The following MKRN2OS variants were observed in gnomAD, a reference collection of about 807,000 sequenced individuals.
MKRN2OS encodes the protein MKRN2 opposite strand protein.
Under a neutral mutation model 18.2 loss-of-function variants are expected in MKRN2OS, and 17 were observed. That is an observed-to-expected ratio of 0.93 (90% CI 0.64 to 1.40). The LOEUF is 1.40. MKRN2OS is among the 40% of genes most tolerant of loss of function. The pLI is 0.00. For synonymous variants in MKRN2OS, 121 were observed against 108.5 expected (o/e 1.12, Z -0.72); for missense variants, 337 against 283.0 (o/e 1.19, Z -1.37).
rs1366249606 is a variant in MKRN2OS at position 12,541,891 on chromosome 3, A to G, written c.400T>C (p.Phe134Leu). Residue 134 changes from phenylalanine (F) to leucine (L), a missense_variant, in exon 3 of 4, where the codon TTC (phenylalanine) becomes CTC (leucine). By Grantham distance (22) the Phe-to-Leu change is conservative (BLOSUM62 0). Transcript: ENST00000564146. The part of the protein sequence containing the change: ...MEQWDKYLED[F>L]STSGAWLPHR... ...GGCAGCCAGGCCCCCGAGGTGGAGAAGTCTTCCAGGTACTTGTCCCATTGC... is the reference window on the plus strand; with the variant it reads ...GGCAGCCAGGCCCCCGAGGTGGAGAGGTCTTCCAGGTACTTGTCCCATTGC... 3.9e-6 allele frequency: 6 copies of G among 1,535,986 alleles called. 1 individual carries two copies. In the South Asian group the frequency reaches 4.8e-5, roughly 12 times the overall value.
In MKRN2OS at chr3:12,542,965, G is replaced by A. The variant is rs757538602; in HGVS notation, c.268+215C>T. Among the ~76,000 whole-genome samples, 3 of 152,082 alleles carry A rather than the reference G, an allele frequency of 2.0e-5. No homozygotes were observed. The South Asian group carries it at 6.2e-4, about 32-fold the overall frequency. Reference sequence around the variant, plus strand: ...TTGTGAGGCTCCTCACTGAGAAAACGTTAAAGAGCTTTCAAATATTTTGTA... The same window carrying A: ...TTGTGAGGCTCCTCACTGAGAAAACATTAAAGAGCTTTCAAATATTTTGTA... On this transcript the variant is annotated intron_variant, in intron 2 of 3. Transcript: ENST00000564146.
upstream of MKRN2OS, among the ~76,000 whole-genome samples, chr3:12,548,460 A>C (rs1484324510): frequency 1.2e-4 from 5 of 42,644 alleles, no homozygotes; most frequent in African/African-American, 1.3e-3. Flanking sequence ...AAAAAAAAAA[A>C]AAAAAAAAAA....
At chr3:12,541,789 G>GTGAGCTGCCTCAC in intron 3 of MKRN2OS, 71 bp downstream of exon 3, 1 of 1,448,214 alleles carries the variant, frequency 6.9e-7, no homozygotes, top group Non-Finnish European at 9.2e-7. Context: ...TCTGTGAGCT[G>GTGAGCTGCCTCAC]AGGCTACACG....
downstream of MKRN2OS, among the ~76,000 whole-genome samples, chr3:12,552,703 G>T (rs1218849008): frequency 1.3e-5 from 2 of 151,154 alleles, no homozygotes; most frequent in Non-Finnish European, 2.9e-5. Context: ...GAGCCACCAT[G>T]CCCCACATTT....
chr3:12,549,031 T>G (rs2057909079), upstream of MKRN2OS, among the ~76,000 whole-genome samples: 2 of 152,112 alleles, frequency 1.3e-5, no homozygotes, highest in South Asian at 4.2e-4. Flanking sequence ...ACCTCCCAGG[T>G]TGAAGCGATC....
chr3:12,541,809 C>G, intron 3 of MKRN2OS, 51 bp downstream of exon 3: 1 of 1,512,818 alleles, frequency 6.6e-7, no homozygotes, highest in East Asian at 2.5e-5. Context: ...GGGGATCCCA[C>G]TTGCATAGCA....
chr3:12,560,190 A>G (rs2058024727), intron 1 of MKRN2OS, among the ~76,000 whole-genome samples: 1 of 152,236 alleles, frequency 6.6e-6, no homozygotes, highest in Admixed American at 6.5e-5. Flanking sequence ...ATGTCCCAGT[A>G]GTCTATCATA....
At chr3:12,556,866 GGC>G in intron 1 of MKRN2OS, 1 of 373,594 alleles carries the variant, frequency 2.7e-6, no homozygotes, top group East Asian at 4.0e-5. Flanking sequence ...GGATAAGACT[GGC>G]AGGACTAAGA....
chr3:12,542,156 T>G (rs1434552628), intron 2 of MKRN2OS, 134 bp from the exon 3 acceptor site: 1 of 881,830 alleles, frequency 1.1e-6, no homozygotes. Context: ...TCTAGAATCT[T>G]CCATCCACCT....
chr3:12,557,037 C>T, intron 1 of MKRN2OS: 1 of 1,196,436 alleles, frequency 8.4e-7, no homozygotes, highest in Non-Finnish European at 1.1e-6. Context: ...CGGCGTGCGC[C>T]GGCGTGCGCC....
chr3:12,544,796 A>G (rs941972078), intron 1 of MKRN2OS, among the ~76,000 whole-genome samples: 2 of 152,224 alleles, frequency 1.3e-5, no homozygotes, highest in East Asian at 3.8e-4. Flanking sequence ...TGGTGTCTAC[A>G]GTGGAAATAG....
Position 12,545,472 on chromosome 3 carries a change from G to A in MKRN2OS, c.-8C>T, listed in dbSNP as rs747962588. 9.3e-6 allele frequency: 14 copies of A among 1,501,958 alleles called. No homozygotes were observed. Among genetic ancestry groups the A allele is most frequent in the African/African-American group, 4.2e-5 (3 of 71,848 alleles). 93.0% of individuals were successfully genotyped at this position (1,501,958 alleles called of 1,614,324 possible). A position where few individuals can be genotyped will look rare whatever the true frequency, so the allele number is the denominator to read the frequency against. On this transcript the variant is annotated 5_prime_UTR_variant, in exon 1 of 4. Coordinates refer to ENST00000564146, the MANE Select transcript of MKRN2OS (RefSeq NM_001195279.2). Reference sequence around the variant, plus strand: ...AGCCTCTGCGCAGTGCATAGCTTTCGCCTCCTGGAATGCTAGGGGAGGTTT... The same window carrying A: ...AGCCTCTGCGCAGTGCATAGCTTTCACCTCCTGGAATGCTAGGGGAGGTTT...
chr3:12,544,318 C>T (rs770355915), intron 1 of MKRN2OS, among the ~76,000 whole-genome samples: 1 of 152,164 alleles, frequency 6.6e-6, no homozygotes, highest in Non-Finnish European at 1.5e-5. Flanking sequence ...GACCCATGCT[C>T]ACCTAAAGCC....
At chr3:12,558,343 G>A (rs2058001910) in intron 1 of MKRN2OS, among the ~76,000 whole-genome samples, 1 of 152,136 alleles carries the variant, frequency 6.6e-6, no homozygotes, top group African/African-American at 2.4e-5. Flanking sequence ...TTGTGAAGAC[G>A]GGTTTGTGTG....
intron 1 of MKRN2OS, chr3:12,557,293 G>C: frequency 7.5e-7 from 1 of 1,330,390 alleles, no homozygotes; most frequent in Non-Finnish European, 1.0e-6. Flanking sequence ...AAAGTTACTC[G>C]GCTGTTCGCG....
At chr3:12,554,031 T>A (rs2057947281) in exon 2 of MKRN2OS, 1 of 152,152 alleles carries the variant, frequency 6.6e-6, no homozygotes, top group Admixed American at 6.6e-5. Context: ...CCATTTTGAG[T>A]CCCGAGCTGG....
At chr3:12,557,048 G>C in intron 1 of MKRN2OS, 26 of 930,462 alleles carry the variant, frequency 2.8e-5, no homozygotes, top group Non-Finnish European at 3.3e-5. Context: ...GGCGTGCGCC[G>C]GCGTGACGCG....
In MKRN2OS at chr3:12,559,810, C is replaced by G. The variant is rs151149893; in HGVS notation, n.264+947G>C. Among the ~76,000 whole-genome samples the G allele has an allele frequency of 1.6e-3, 244 of 152,264 alleles. 3 individuals carry two copies. Among genetic ancestry groups the G allele is most frequent in the Admixed American group, 3.1e-3 (47 of 15,286 alleles). ...CTGTTTTCGGAGCCCTGGGGGAGGC[C>G]CTTATTATAGCTTAGTAACCAGTTT... is the stretch of plus-strand genomic sequence containing the variant. On this transcript the variant is annotated intron_variant and non_coding_transcript_variant, in intron 1 of 1. Coordinates refer to the MKRN2OS transcript ENST00000447550.
upstream of MKRN2OS, among the ~76,000 whole-genome samples, chr3:12,547,032 T>G (rs1011182795): frequency 6.6e-6 from 1 of 151,532 alleles, no homozygotes; most frequent in Non-Finnish European, 1.5e-5. Flanking sequence ...TGCTTGAGCC[T>G]GGAAGGTCGA....
Sources: gnomAD v4.1 joint callset for allele counts (sites outside exome capture counted in the v4.1 genomes callset) on GRCh38, gnomAD v4.1.1 for gene constraint, MANE v1.5 for transcripts, NCBI Gene and HGNC (gene_info 2026-07-23, HGNC 2026-07-21) for gene names.